The following COL21A1 variants were observed in gnomAD, a reference collection of about 807,000 sequenced individuals.
COL21A1 encodes the protein collagen type XXI alpha 1 chain.
Under a neutral mutation model 137.9 loss-of-function variants are expected in COL21A1, and 149 were observed. The ratio of observed to expected loss-of-function variants is 1.08; its 90% confidence interval spans 0.95 to 1.24. The LOEUF (loss-of-function observed/expected upper bound fraction) is 1.24. COL21A1 is among the 50% of genes most tolerant of loss of function. The pLI is 0.00. For missense variants in COL21A1, 1,167 were observed against 1,158.4 expected (o/e 1.01, Z -0.11); for synonymous variants, 456 against 391.5 (o/e 1.16, Z -1.95).
intron 1 of COL21A1, among the ~76,000 whole-genome samples, chr6:56,389,171 G>C (rs1410320193): frequency 6.6e-6 from 1 of 152,124 alleles, no homozygotes; most frequent in Non-Finnish European, 1.5e-5. Flanking sequence ...AGACCAGCCT[G>C]ACCAATATGG....
intron 1 of COL21A1, among the ~76,000 whole-genome samples, chr6:56,228,825 GA>G (rs1781370165): frequency 6.6e-6 from 1 of 151,674 alleles, no homozygotes; most frequent in African/African-American, 2.4e-5. Context: ...TAAAGTACAA[GA>G]ATAACTAAGT....
At chr6:56,147,367 T>C (rs188617680) in intron 10 of COL21A1, among the ~76,000 whole-genome samples, 204 of 143,350 alleles carry the variant, frequency 1.4e-3, no homozygotes, top group African/African-American at 4.6e-3. Flanking sequence ...GTTTTTTGCT[T>C]TTTTTTTTTC....
intron 1 of COL21A1, among the ~76,000 whole-genome samples, chr6:56,318,991 T>G (rs565125518): frequency 1.3e-5 from 2 of 152,044 alleles, no homozygotes; most frequent in Admixed American, 1.3e-4. Flanking sequence ...TCTCCAAAAC[T>G]GCTCTTGCCA....
intron 12 of COL21A1, among the ~76,000 whole-genome samples, chr6:56,128,268 A>AG (rs1773211313): frequency 6.6e-6 from 1 of 152,352 alleles, no homozygotes; most frequent in Non-Finnish European, 1.5e-5. Context: ...AGCAGGGTGT[A>AG]GCAGGGGTTC....
intron 1 of COL21A1, among the ~76,000 whole-genome samples, chr6:56,260,585 A>AAGAAGAAGAAGAAGAAGAAGAAGAAG (rs1430065674): frequency 1.1e-5 from 1 of 91,848 alleles, no homozygotes; most frequent in Non-Finnish European, 2.4e-5. Context: ...AAAAAAAAAG[A>AAGAAGAAGAAGAAGAAGAAGAAGAAG]AAGAAGAAGA....
At chr6:56,064,519 C>A (rs779426524) in intron 24 of COL21A1, 59 bp downstream of exon 24, 1 of 1,139,032 alleles carries the variant, frequency 8.8e-7, no homozygotes, top group Admixed American at 2.0e-5. Flanking sequence ...CCTCTCTCAG[C>A]ATTGTCCAGT....
At chr6:56,278,073 T>G (rs1763709374) in intron 1 of COL21A1, among the ~76,000 whole-genome samples, 1 of 152,220 alleles carries the variant, frequency 6.6e-6, no homozygotes, top group Non-Finnish European at 1.5e-5. Flanking sequence ...AAAACAACTT[T>G]GGATATTTTG....
At chr6:56,171,301 TGTA>T (rs1380698649) in intron 3 of COL21A1, among the ~76,000 whole-genome samples, 173 bp from the exon 4 acceptor site, 1 of 151,862 alleles carries the variant, frequency 6.6e-6, no homozygotes, top group Non-Finnish European at 1.5e-5. Context: ...TCTGAGAAAA[TGTA>T]GAAGTATTTT....
chr6:56,115,882 A>C (rs1257560168), intron 16 of COL21A1, among the ~76,000 whole-genome samples: 1 of 152,110 alleles, frequency 6.6e-6, no homozygotes. Flanking sequence ...TGCAATTAGC[A>C]TACTGAACAA....
At chr6:56,272,368 C>T (rs925027657) in intron 1 of COL21A1, among the ~76,000 whole-genome samples, 18 of 151,876 alleles carry the variant, frequency 1.2e-4, no homozygotes, top group Non-Finnish European at 8.8e-5. Flanking sequence ...GGAGTGGAAA[C>T]ATTTACCCAA....
intron 1 of COL21A1, among the ~76,000 whole-genome samples, chr6:56,191,792 G>C (rs973721165): frequency 1.3e-5 from 2 of 151,866 alleles, no homozygotes; most frequent in Non-Finnish European, 2.9e-5. Flanking sequence ...GGAAGGATCA[G>C]TATCATGAAA....
intron 1 of COL21A1, among the ~76,000 whole-genome samples, chr6:56,393,747 A>T (rs1054568412): frequency 6.6e-6 from 1 of 152,200 alleles, no homozygotes; most frequent in African/African-American, 2.4e-5. Flanking sequence ...GAAAATTGCC[A>T]GTCCCCAGAG....
intron 28 of COL21A1, among the ~76,000 whole-genome samples, chr6:56,059,792 T>C (rs1196510932): frequency 6.6e-6 from 1 of 152,178 alleles, no homozygotes; most frequent in Non-Finnish European, 1.5e-5. Flanking sequence ...GGCAACATTT[T>C]CTAATTTGTA....
At chr6:56,233,973 A>G (rs1781745456) in intron 1 of COL21A1, among the ~76,000 whole-genome samples, 1 of 151,878 alleles carries the variant, frequency 6.6e-6, no homozygotes, top group African/African-American at 2.4e-5. Context: ...AAATGTAATT[A>G]TAACAATTAT....
At chr6:56,304,991 C>G (rs940378263) in intron 1 of COL21A1, among the ~76,000 whole-genome samples, 3 of 152,192 alleles carry the variant, frequency 2.0e-5, no homozygotes, top group African/African-American at 7.2e-5. Flanking sequence ...TCGTTATGTA[C>G]CCAGTAGTCA....
At chr6:56,346,157 C>T (rs540173659) in intron 1 of COL21A1, among the ~76,000 whole-genome samples, 35 of 152,264 alleles carry the variant, frequency 2.3e-4, no homozygotes, top group African/African-American at 6.5e-4. Context: ...GTGGCCAATG[C>T]GCAGATCAAA....
chr6:56,337,227 G>A (rs1279191376), intron 1 of COL21A1, among the ~76,000 whole-genome samples: 1 of 152,010 alleles, frequency 6.6e-6, no homozygotes, highest in African/African-American at 2.4e-5. Flanking sequence ...ATTTAGAATG[G>A]GTATCTGAAG....
chr6:56,277,282 T>G (rs1356053842), intron 1 of COL21A1, among the ~76,000 whole-genome samples: 1 of 152,170 alleles, frequency 6.6e-6, no homozygotes, highest in African/African-American at 2.4e-5. Flanking sequence ...CTCCTAATGC[T>G]ATCCCTCCCC....
At chr6:56,201,446 T>C (rs1207388676) in intron 1 of COL21A1, among the ~76,000 whole-genome samples, 1 of 152,210 alleles carries the variant, frequency 6.6e-6, no homozygotes, top group Non-Finnish European at 1.5e-5. Context: ...AGGTCTAACA[T>C]TTAAGTCTTT....
Sources: allele counts gnomAD v4.1 joint callset (sites outside exome capture counted in the v4.1 genomes callset), GRCh38; gene constraint gnomAD v4.1.1; transcripts MANE v1.5; gene names NCBI Gene and HGNC (gene_info 2026-07-23, HGNC 2026-07-21).